UBE2W: variants seen among roughly 807,000 people sequenced by gnomAD.
UBE2W encodes ubiquitin conjugating enzyme E2 W, also known as ubiquitin-conjugating enzyme E2 W.
In UBE2W, 18 loss-of-function variants were observed where a neutral mutation model predicts 27.2. The ratio of observed to expected loss-of-function variants is 0.66; its 90% CI spans 0.46 to 0.98. UBE2W has a LOEUF of 0.98. UBE2W is among the 50% of genes least tolerant of loss of function. The pLI is 0.00. For synonymous variants in UBE2W, 53 were observed against 57.2 expected, an observed-to-expected ratio of 0.93 and a Z score of 0.33; for missense variants, 90 against 180.2, an observed-to-expected ratio of 0.50 and a Z score of 2.87.
chr8:73,791,811 C>T lies in UBE2W; in HGVS notation c.*2291G>A. 1.0e-6 allele frequency: 1 copy of T among 984,596 alleles called. No homozygotes were observed. The highest frequency in any genetic ancestry group is 1.2e-6 in the Non-Finnish European group (1 of 829,296). The allele number at this position is 984,596 out of a possible 1,614,324, so 61.0% of individuals were successfully genotyped here. ...ACCATAAGATGTACCGAAATTATTT[C>T]ATTTTCCTCTACTTTCCTCTGTGTC... On this transcript the variant is annotated 3_prime_UTR_variant, in exon 6 of 6. Transcript: ENST00000602593.
rs928458063 is a variant in UBE2W, at chr8:73,794,502, G to A, written c.443-387C>T. Among the ~76,000 whole-genome samples the A allele has an allele frequency of 1.9e-4, 29 of 152,276 alleles. 1 individual carries two copies. Among genetic ancestry groups the A allele is most frequent in the South Asian group, 1.5e-3 (7 of 4,826 alleles). On this transcript the variant is annotated intron_variant, in intron 5 of 5. Transcript: ENST00000602593. ...CAACAGTGCCATGCTATTTAACACA[G>A]AATAATACACAATTTGTCTTTAGAC...
At chr8:73,833,398 A>T (rs1302072858) in intron 1 of UBE2W, among the ~76,000 whole-genome samples, 2 of 151,838 alleles carry the variant, frequency 1.3e-5, no homozygotes, top group African/African-American at 4.8e-5. Context: ...TTTTTAAAAA[A>T]TTTTAAAGTA....
At chr8:73,844,171 CCTCTGCACGGA>C (rs1810664698) in intron 1 of UBE2W, among the ~76,000 whole-genome samples, 2 of 4,024 alleles carry the variant, frequency 5.0e-4, no homozygotes, top group African/African-American at 2.6e-3. Flanking sequence ...TCCCCCTCCC[CCTCTGCACGGA>C]CTCCCTCTGA....
intron 1 of UBE2W, among the ~76,000 whole-genome samples, chr8:73,846,761 G>C (rs1385734047): frequency 6.6e-6 from 1 of 152,180 alleles, no homozygotes; most frequent in Non-Finnish European, 1.5e-5. Flanking sequence ...GCAGGTGATG[G>C]GGAGTTAAAG....
At chr8:73,831,187 G>A in intron 1 of UBE2W, 1 of 450,742 alleles carries the variant, frequency 2.2e-6, no homozygotes, top group Admixed American at 3.4e-5. Flanking sequence ...ACAGCCAAAT[G>A]GGTGGCTTTC....
chr8:73,794,417 A>G (rs1246496594), intron 5 of UBE2W, among the ~76,000 whole-genome samples: 1 of 152,240 alleles, frequency 6.6e-6, no homozygotes, highest in Non-Finnish European at 1.5e-5. Context: ...ATCAATCTTA[A>G]GAGAATTATT....
chr8:73,849,116 CTG>C (rs1810951487), intron 1 of UBE2W, among the ~76,000 whole-genome samples: 1 of 152,178 alleles, frequency 6.6e-6, no homozygotes, highest in Non-Finnish European at 1.5e-5. Context: ...GGTGTTAACA[CTG>C]TTTCTTTCTA....
chr8:73,842,810 A>G (rs1230576234), intron 1 of UBE2W, among the ~76,000 whole-genome samples: 1 of 152,204 alleles, frequency 6.6e-6, no homozygotes, highest in Non-Finnish European at 1.5e-5. Context: ...ACAAAAATGT[A>G]GAAGTGTATT....
chr8:73,809,160 A>G (rs75187062), intron 4 of UBE2W, among the ~76,000 whole-genome samples: 8,038 of 152,216 alleles, frequency 0.053, 681 homozygotes, highest in African/African-American at 0.18. Context: ...AGGAGAAAAT[A>G]TAACAGCAAT....
At chr8:73,851,879 TC>T (rs1272929114) in intron 1 of UBE2W, among the ~76,000 whole-genome samples, 1 of 115,512 alleles carries the variant, frequency 8.7e-6, no homozygotes, top group African/African-American at 5.0e-5. Context: ...TGGCCTATAA[TC>T]CCAAGTACTT....
At chr8:73,863,448 G>A (rs1297724607) in intron 1 of UBE2W, among the ~76,000 whole-genome samples, 1 of 149,728 alleles carries the variant, frequency 6.7e-6, no homozygotes, top group Non-Finnish European at 1.5e-5. Context: ...GGAGGAGGGA[G>A]GGATAGCATT....
At position 73,852,138 on chromosome 8, in the gene UBE2W, T is replaced by C. The variant is rs577233504; in HGVS notation, c.16-21666A>G. Reference sequence around the variant, plus strand: ...TGGAGGCAACTGAGATTAAGATTAGTTTTGGACCTGACCAGTTCAAGTTCC... The same window carrying C: ...TGGAGGCAACTGAGATTAAGATTAGCTTTGGACCTGACCAGTTCAAGTTCC... On this transcript the variant is annotated intron_variant, in intron 1 of 5. Coordinates refer to ENST00000602593, the MANE Select transcript of UBE2W (RefSeq NM_018299.6). 7.9e-5 allele frequency among the ~76,000 whole-genome samples: 12 copies of C among 152,146 alleles called. No homozygotes were observed. In the South Asian group the frequency reaches 2.5e-3, roughly 32 times the overall value.
intron 3 of UBE2W, among the ~76,000 whole-genome samples, chr8:73,814,489 T>A (rs917962830): frequency 6.6e-6 from 1 of 152,156 alleles, no homozygotes; most frequent in Admixed American, 6.5e-5. Flanking sequence ...TTAGACCGAA[T>A]GTACATGAAT....
chr8:73,872,151 A>C (rs1434708365), intron 1 of UBE2W, among the ~76,000 whole-genome samples: 4 of 152,182 alleles, frequency 2.6e-5, no homozygotes, highest in African/African-American at 9.7e-5. Context: ...GCCAGCCTTG[A>C]AGGATAATCT....
intron 1 of UBE2W, among the ~76,000 whole-genome samples, chr8:73,842,942 TGAA>T (rs1476762193): frequency 6.6e-6 from 1 of 152,144 alleles, no homozygotes; most frequent in Non-Finnish European, 1.5e-5. Context: ...GCCCACTAAC[TGAA>T]GAATGAACAA....
chr8:73,863,791 A>C (rs915956010), intron 1 of UBE2W, among the ~76,000 whole-genome samples: 1 of 152,032 alleles, frequency 6.6e-6, no homozygotes, highest in African/African-American at 2.4e-5. Flanking sequence ...AAAAATGACA[A>C]TACCCAGGAT....
chr8:73,820,244 G>A (rs1809551750), intron 3 of UBE2W, among the ~76,000 whole-genome samples: 1 of 152,156 alleles, frequency 6.6e-6, no homozygotes, highest in Non-Finnish European at 1.5e-5. Flanking sequence ...TTCAGTTATT[G>A]GAAAAATCTT....
chr8:73,870,182 G>T, intron 1 of UBE2W: 1 of 1,350,814 alleles, frequency 7.4e-7, no homozygotes, highest in Non-Finnish European at 1.0e-6. Context: ...GCATTAAAAG[G>T]ATGTCAAAAT....
chr8:73,838,289 CG>C (rs1810392600), intron 1 of UBE2W, among the ~76,000 whole-genome samples: 1 of 152,048 alleles, frequency 6.6e-6, no homozygotes, highest in Non-Finnish European at 1.5e-5. Flanking sequence ...TTTTTCCCCC[CG>C]GTAAGAAAAC....
Sources: allele counts gnomAD v4.1 joint callset (sites outside exome capture counted in the v4.1 genomes callset), GRCh38; gene constraint gnomAD v4.1.1; transcripts MANE v1.5; gene names NCBI Gene and HGNC (gene_info 2026-07-23, HGNC 2026-07-21).